TRIM72: variants seen among roughly 807,000 people sequenced by gnomAD.
The protein encoded by TRIM72 is tripartite motif containing 72.
In TRIM72, 33 loss-of-function variants were observed where a neutral mutation model predicts 31.6. The ratio of observed to expected loss-of-function variants is 1.04; its 90% CI spans 0.79 to 1.40. The LOEUF (loss-of-function observed/expected upper bound fraction) is 1.40. Among genes scored for constraint, TRIM72 ranks in the 40% most tolerant of loss-of-function variants. The pLI is 0.00. For missense variants in TRIM72, 666 were observed against 682.7 expected (o/e 0.98, Z 0.27); for synonymous variants, 301 against 314.4 (o/e 0.96, Z 0.45).
intron 4 of TRIM72, among the ~76,000 whole-genome samples, chr16:31,220,456 G>GT (rs71151452): frequency 0.4 from 11,766 of 29,468 alleles, 5,555 homozygotes; most frequent in Middle Eastern, 0.54. Flanking sequence ...TCTCTTTTGC[G>GT]TTTTTTTTTT....
rs1267811005 is a variant in TRIM72 at position 31,219,239 on chromosome 16, G to A, written c.486+49G>A. The A allele has an allele frequency of 1.9e-6, 3 of 1,613,780 alleles. No homozygotes were observed. Among genetic ancestry groups the A allele is most frequent in the African/African-American group, 1.3e-5 (1 of 74,950 alleles). On this transcript the variant is annotated intron_variant, in intron 3 of 6. Coordinates refer to ENST00000322122, the MANE Select transcript of TRIM72 (RefSeq NM_001008274.4). The surrounding 1 kb of genome is among the most constrained non-coding windows in gnomAD (Gnocchi z 4.2). ...CTGAGGGCTGGGGGCCAGGCTAGGG[G>A]TCTCCAGCCAAGAGTCTTTATCCCT... is the stretch of plus-strand genomic sequence containing the variant.
intron 2 of TRIM72, among the ~76,000 whole-genome samples, chr16:31,217,908 C>T (rs1421614469): frequency 1.3e-5 from 2 of 152,070 alleles, no homozygotes; most frequent in African/African-American, 2.4e-5. Context: ...CCACCACGCC[C>T]GGCCAGCAGG....
At position 31,230,817 on chromosome 16, in the gene TRIM72, A is replaced by C. The variant is rs563500108; in HGVS notation, c.*6062A>C. 6 of 152,090 alleles carry C rather than the reference A, an allele frequency of 3.9e-5. No individual in the cohort carries two copies. Among genetic ancestry groups the C allele is most frequent in the East Asian group, 3.9e-4 (2 of 5,188 alleles). 9.4% of individuals were successfully genotyped at this position (152,090 alleles called of 1,614,324 possible). On this transcript the variant is annotated 3_prime_UTR_variant, in exon 7 of 7. Coordinates refer to ENST00000322122, the MANE Select transcript of TRIM72 (RefSeq NM_001008274.4). ...TGACCGGGCCAGTGCACCTAACTAA[A>C]TAATAAATAATAAGTATCCTCCTCA... is the stretch of plus-strand genomic sequence containing the variant.
At chr16:31,220,646 T>A (rs2079529471) in intron 4 of TRIM72, among the ~76,000 whole-genome samples, 2 of 151,582 alleles carry the variant, frequency 1.3e-5, no homozygotes. Flanking sequence ...TTTTTTTGTA[T>A]TTTTAGTAGA....
In TRIM72 at chr16:31,227,645, TTTGAGACAAGGTC is replaced by T. The variant is rs2144203506; in HGVS notation, c.*2894_*2906del. ...TTTTAGTTAAAAAACAATTTTTTTT[TTTGAGACAAGGTC>T]TTGCTCTGTCGCACAGGCTGGAGTG... On this transcript the variant is annotated 3_prime_UTR_variant, in exon 7 of 7. Transcript: ENST00000322122. 6.6e-6 allele frequency: 1 copy of T among 152,246 alleles called. No individual in the cohort carries two copies. 9.4% of individuals were successfully genotyped at this position (152,246 alleles called of 1,614,324 possible).
chr16:31,214,935 G>T lies in TRIM72; in HGVS notation c.197G>T (p.Ser66Ile), dbSNP rs762825035. ...GCCCCCACGCGGCCGCAGGCACTCA[G>T]CACCAACCTGCAGCTGGCGCGCCTG... The part of the protein sequence containing the change: ...CQAPTRPQAL[S>I]TNLQLARLVE... The change falls in exon 2 of 7, where the codon AGC becomes ATC. Residue 66 changes from serine (S) to isoleucine (I), a missense_variant. Transcript: ENST00000322122. The T allele has an allele frequency of 6.7e-7, 1 of 1,498,346 alleles. No homozygotes were observed. Among genetic ancestry groups the T allele is most frequent in the Non-Finnish European group, 8.8e-7 (1 of 1,131,960 alleles). The allele number at this position is 1,498,346 out of a possible 1,614,324, so 92.8% of individuals were successfully genotyped here. A position where few individuals can be genotyped will look rare whatever the true frequency, so the allele number is the denominator to read the frequency against.
In TRIM72 at chr16:31,214,772, C is replaced by A; in HGVS notation, c.34C>A (p.Leu12Met). 6.3e-7 allele frequency: 1 copy of A among 1,579,458 alleles called. No individual in the cohort carries two copies. Among genetic ancestry groups the A allele is most frequent in the Non-Finnish European group, 8.5e-7 (1 of 1,172,522 alleles). The change falls in exon 2 of 7, where the codon CTG (leucine) becomes ATG (methionine). Residue 12 changes from leucine (L) to methionine (M), a missense_variant. Physicochemically the swap from Leu to Met is conservative, Grantham distance 15. Coordinates refer to ENST00000322122, the MANE Select transcript of TRIM72 (RefSeq NM_001008274.4). ...SAAPGLLHQE[L>M]SCPLCLQLFD... ...TGCGCCCGGCCTCCTGCACCAGGAGCTGTCCTGCCCGCTGTGCCTGCAGCT... is the reference window on the plus strand; with the variant it reads ...TGCGCCCGGCCTCCTGCACCAGGAGATGTCCTGCCCGCTGTGCCTGCAGCT...
chr16:31,217,000 T>C lies in TRIM72; in HGVS notation c.390+1872T>C. 2 of 1,613,754 alleles carry C rather than the reference T, an allele frequency of 1.2e-6. No individual in the cohort carries two copies. Among genetic ancestry groups the C allele is most frequent in the Non-Finnish European group, 1.7e-6 (2 of 1,179,732 alleles). The stretch of plus-strand genomic sequence containing the variant: ...CTCCGGTGTCAGGTTCTCCAGCACC[T>C]TCAGGATGGCCTCGCGCTTCGTTCC... On this transcript the variant is annotated intron_variant, in intron 2 of 6. Transcript: ENST00000322122. This position sits in a 1 kb window ranked among gnomAD's most constrained non-coding sequence, Gnocchi z 6.7.
intron 2 of TRIM72, chr16:31,217,156 A>C: frequency 2.0e-6 from 2 of 988,226 alleles, no homozygotes; most frequent in Non-Finnish European, 2.9e-6. Context: ...CTCCTATTCA[A>C]CCCTGTGGCT....
Position 31,216,608 on chromosome 16 carries a change from C to G in TRIM72, c.390+1480C>G. The stretch of plus-strand genomic sequence containing the variant: ...TTCGCGGCAGCCCAGCCCTTCGCCC[C>G]CGGGAGGGGCTGGCCGGAGGTCTGA... On this transcript the variant is annotated intron_variant, in intron 2 of 6. Transcript: ENST00000322122. The surrounding 1 kb of genome is among the most constrained non-coding windows in gnomAD (Gnocchi z 6.7). The G allele has an allele frequency of 2.1e-6, 2 of 955,284 alleles. No individual in the cohort carries two copies. Among genetic ancestry groups the G allele is most frequent in the South Asian group, 3.4e-5 (2 of 59,700 alleles). 59.2% of individuals were successfully genotyped at this position (955,284 alleles called of 1,614,324 possible). A position where few individuals can be genotyped will look rare whatever the true frequency, so the allele number is the denominator to read the frequency against.
rs983695872 is a variant in TRIM72 at position 31,216,596 on chromosome 16, A to G, written c.390+1468A>G. On this transcript the variant is annotated intron_variant, in intron 2 of 6. Transcript: ENST00000322122. The surrounding 1 kb of genome is among the most constrained non-coding windows in gnomAD (Gnocchi z 6.7). ...AGCCCACCAGGGTTCGCGGCAGCCC[A>G]GCCCTTCGCCCCCGGGAGGGGCTGG... The G allele has an allele frequency of 3.8e-5, 32 of 837,064 alleles. No homozygotes were observed. Among genetic ancestry groups the G allele is most frequent in the Non-Finnish European group, 5.9e-5 (32 of 541,224 alleles). 51.9% of individuals were successfully genotyped at this position (837,064 alleles called of 1,614,324 possible). A position where few individuals can be genotyped will look rare whatever the true frequency, so the allele number is the denominator to read the frequency against.
At position 31,224,385 on chromosome 16, in the gene TRIM72, CGCGCTGG is replaced by C; in HGVS notation, c.1075_1081del (p.Leu359Ter). 1.4e-6 allele frequency: 2 copies of C among 1,478,048 alleles called. 1 individual carries two copies. Among genetic ancestry groups the C allele is most frequent in the South Asian group, 2.8e-5 (2 of 72,056 alleles). The allele number at this position is 1,478,048 out of a possible 1,614,324, so 91.6% of individuals were successfully genotyped here. On this transcript the variant is annotated frameshift_variant, in exon 7 of 7. Coordinates refer to ENST00000322122, the MANE Select transcript of TRIM72 (RefSeq NM_001008274.4). LOFTEE classifies it low-confidence loss of function (END_TRUNC). Reference sequence around the variant, plus strand: ...TGGGAGGTGGATGTTGGCGACAAGCCGCGCTGGGCGCTGGGCGTGATCGCGGCCGAGG... The same window carrying C: ...TGGGAGGTGGATGTTGGCGACAAGCCGCGCTGGGCGTGATCGCGGCCGAGG...
In TRIM72 at chr16:31,224,601, A is replaced by G. The variant is rs373379714; in HGVS notation, c.1280A>G (p.Tyr427Cys). 1,396 of 1,555,306 alleles carry G rather than the reference A, an allele frequency of 9.0e-4. 17 individuals are homozygous for G. In the South Asian group the frequency reaches 9.3e-3, roughly 10 times the overall value. ...TTCGGCGACGGCGTCCTCTCCTTCT[A>G]CGATGCCAGCGACGCCGACGCGCTC... is the stretch of plus-strand genomic sequence containing the variant. ...LSFGDGVLSFYDASDADALVP... is the reference protein window; with the variant it reads ...LSFGDGVLSFCDASDADALVP... The change falls in exon 7 of 7, where the codon TAC (tyrosine) becomes TGC (cysteine). Residue 427 changes from tyrosine (Y) to cysteine (C), a missense_variant. By Grantham distance (194) the Tyr-to-Cys change is radical. Transcript: ENST00000322122.
In TRIM72 at chr16:31,214,291, C is replaced by G. The variant is rs577570628; in HGVS notation, c.-14C>G. The G allele has an allele frequency of 1.0e-4, 16 of 159,676 alleles. No individual in the cohort carries two copies. The South Asian group carries it at 2.8e-3, about 28-fold the overall frequency. The allele number at this position is 159,676 out of a possible 1,614,324, so 9.9% of individuals were successfully genotyped here. ...ACTCTTTCAGCCTAAGATCTCCAAC[C>G]AGACCTGTGAGTCCCGTGGGCTGGA... On this transcript the variant is annotated 5_prime_UTR_variant, in exon 1 of 7. Transcript: ENST00000322122.
In TRIM72 at chr16:31,215,309, C is replaced by T. The variant is rs918889453; in HGVS notation, c.390+181C>T. On this transcript the variant is annotated intron_variant, in intron 2 of 6. Coordinates refer to ENST00000322122, the MANE Select transcript of TRIM72 (RefSeq NM_001008274.4). The surrounding 1 kb of genome is among the most constrained non-coding windows in gnomAD (Gnocchi z 6.3). ...AGGGTCTGAGGAGCTTAAGGCGGGG[C>T]TGGCAGAGGAAAGCCGCGCAGGGAT... is the stretch of plus-strand genomic sequence containing the variant. Among the ~76,000 whole-genome samples the T allele has an allele frequency of 1.3e-5, 2 of 152,166 alleles. No individual in the cohort carries two copies. The highest frequency in any genetic ancestry group is 4.8e-5 in the African/African-American group (2 of 41,444).
At position 31,216,845 on chromosome 16, in the gene TRIM72, C is replaced by A. The variant is rs1283699650; in HGVS notation, c.390+1717C>A. On this transcript the variant is annotated intron_variant, in intron 2 of 6. Coordinates refer to ENST00000322122, the MANE Select transcript of TRIM72 (RefSeq NM_001008274.4). This position sits in a 1 kb window ranked among gnomAD's most constrained non-coding sequence, Gnocchi z 6.7. ...ACGACGAGCTCGGCTGCGTAGTCCT[C>A]GTAGTAGGAGGCGACCAGCTTGTCG... 1 of 1,613,798 alleles carries A rather than the reference C, an allele frequency of 6.2e-7. No homozygotes were observed. Among genetic ancestry groups the A allele is most frequent in the South Asian group, 1.1e-5 (1 of 91,090 alleles).
Position 31,226,732 on chromosome 16 carries a change from A to G in TRIM72, c.*1977A>G, listed in dbSNP as rs1409710471. The G allele has an allele frequency of 1.3e-5, 2 of 152,214 alleles. No homozygotes were observed. Among genetic ancestry groups the G allele is most frequent in the African/African-American group, 4.8e-5 (2 of 41,438 alleles). The allele number at this position is 152,214 out of a possible 1,614,324, so 9.4% of individuals were successfully genotyped here. On this transcript the variant is annotated 3_prime_UTR_variant, in exon 7 of 7. Coordinates refer to ENST00000322122, the MANE Select transcript of TRIM72 (RefSeq NM_001008274.4). ...GCATTTCTTGGGCTCTGGAGTAACCACTGAGGCCAGAGTGAGAGTCCCTCT... is the reference window on the plus strand; with the variant it reads ...GCATTTCTTGGGCTCTGGAGTAACCGCTGAGGCCAGAGTGAGAGTCCCTCT...
rs1291587229 is a variant in TRIM72, at chr16:31,227,948, T to G, written c.*3193T>G. On this transcript the variant is annotated 3_prime_UTR_variant, in exon 7 of 7. Transcript: ENST00000322122. ...ACTGAGCCCAGCCCAGCTTCATCTT[T>G]TATTTTATTATTATTTTTTGAGATG... 6.6e-6 allele frequency: 1 copy of G among 150,972 alleles called. No individual in the cohort carries two copies. Among genetic ancestry groups the G allele is most frequent in the Admixed American group, 6.6e-5 (1 of 15,138 alleles). 9.4% of individuals were successfully genotyped at this position (150,972 alleles called of 1,614,324 possible).
chr16:31,223,274 G>A (rs1481975103), intron 6 of TRIM72, among the ~76,000 whole-genome samples: 1 of 152,140 alleles, frequency 6.6e-6, no homozygotes, highest in East Asian at 1.9e-4. Flanking sequence ...GATAAATCCT[G>A]CCAATTGGGG....
Sources: allele counts gnomAD v4.1 joint callset (sites outside exome capture counted in the v4.1 genomes callset), GRCh38; gene constraint gnomAD v4.1.1; non-coding constraint Gnocchi (gnomAD v3.1); transcripts MANE v1.5; gene names NCBI Gene and HGNC (gene_info 2026-07-23, HGNC 2026-07-21).